Variants in SEMA3E observed in about 807,000 individuals in gnomAD.
SEMA3E encodes semaphorin-3E.
Under a neutral mutation model 93.6 loss-of-function variants are expected in SEMA3E, and 49 were observed. The observed-to-expected ratio is 0.52, with a 90% confidence interval of 0.42 to 0.66. SEMA3E has a LOEUF of 0.66. SEMA3E is among the 30% of genes least tolerant of loss of function. SEMA3E has a pLI of 0.00. For synonymous variants in SEMA3E, 363 were observed against 330.7 expected (o/e 1.10, Z -1.06); for missense variants, 906 against 964.8 (o/e 0.94, Z 0.81).
chr7:83,444,859 T>C (rs944984437), intron 4 of SEMA3E, among the ~76,000 whole-genome samples: 3 of 151,936 alleles, frequency 2.0e-5, no homozygotes, highest in African/African-American at 7.3e-5. Flanking sequence ...TTAGTAGAGA[T>C]GGGATTTTGC....
intron 11 of SEMA3E, among the ~76,000 whole-genome samples, chr7:83,399,293 G>A (rs937593688): frequency 3.3e-5 from 5 of 152,126 alleles, no homozygotes; most frequent in Non-Finnish European, 7.4e-5. Context: ...AAGATCTCAA[G>A]TCCTCTTCTA....
intron 16 of SEMA3E, among the ~76,000 whole-genome samples, chr7:83,374,492 A>C (rs1794794179): frequency 6.6e-6 from 1 of 152,132 alleles, no homozygotes; most frequent in Non-Finnish European, 1.5e-5. Flanking sequence ...TGACTGTCAA[A>C]GATGTGATAG....
chr7:83,527,112 A>G (rs2115709786), intron 1 of SEMA3E, among the ~76,000 whole-genome samples: 1 of 152,254 alleles, frequency 6.6e-6, no homozygotes, highest in South Asian at 2.1e-4. Flanking sequence ...AGTGGTGGCA[A>G]AGAATGGAGC....
chr7:83,626,217 T>C (rs1326082877), intron 1 of SEMA3E, among the ~76,000 whole-genome samples: 1 of 152,212 alleles, frequency 6.6e-6, no homozygotes, highest in African/African-American at 2.4e-5. Flanking sequence ...GATGTTGGCC[T>C]CATAAAAAGA....
intron 4 of SEMA3E, among the ~76,000 whole-genome samples, chr7:83,449,749 A>G (rs754911215): frequency 5.2e-4 from 79 of 152,208 alleles, no homozygotes; most frequent in Non-Finnish European, 6.9e-4. Context: ...CCCCCTAATT[A>G]CATACATTAT....
intron 1 of SEMA3E, among the ~76,000 whole-genome samples, chr7:83,547,557 T>C (rs1584323578): frequency 6.6e-6 from 1 of 152,280 alleles, no homozygotes; most frequent in East Asian, 1.9e-4. Flanking sequence ...GGTAGTTTAG[T>C]TGAGCTGGTC....
chr7:83,606,622 G>T (rs1793125219), intron 1 of SEMA3E, among the ~76,000 whole-genome samples: 1 of 135,180 alleles, frequency 7.4e-6, no homozygotes, highest in African/African-American at 2.8e-5. Flanking sequence ...TGGGGTCGGG[G>T]GAGGGGGGAG....
Position 83,407,124 on chromosome 7 carries a change from A to C in SEMA3E, c.786T>G (p.Ile262Met). Residue 262 changes from isoleucine (I) to methionine (M), a missense_variant, in exon 7 of 17, where the codon ATT (isoleucine) becomes ATG (methionine). By Grantham distance (10) the Ile-to-Met change is conservative. Coordinates refer to ENST00000643230, the MANE Select transcript of SEMA3E (RefSeq NM_012431.3). Reference protein sequence around the residue: ...ALEAENNAHAIYTRVGRLCVN... With the variant: ...ALEAENNAHAMYTRVGRLCVN... ...CACAGAGTCGCCCGACCCTGGTGTA[A>C]ATTGCGTGAGCATTGTTTTCTGCCT... is the stretch of plus-strand genomic sequence containing the variant. The C allele has an allele frequency of 6.2e-7, 1 of 1,613,626 alleles. No individual in the cohort carries two copies. The highest frequency in any genetic ancestry group is 8.5e-7 in the Non-Finnish European group (1 of 1,179,774).
intron 1 of SEMA3E, among the ~76,000 whole-genome samples, chr7:83,611,349 T>A (rs1793256480): frequency 6.9e-6 from 1 of 144,638 alleles, no homozygotes; most frequent in Non-Finnish European, 1.5e-5. Context: ...TTATATATAA[T>A]ATATGTGTAA....
intron 1 of SEMA3E, among the ~76,000 whole-genome samples, chr7:83,532,921 T>C (rs994932720): frequency 6.6e-6 from 1 of 152,084 alleles, no homozygotes; most frequent in Non-Finnish European, 1.5e-5. Flanking sequence ...GGAACTCTCA[T>C]CACTAAAGAT....
intron 4 of SEMA3E, among the ~76,000 whole-genome samples, chr7:83,459,304 A>C (rs962916855): frequency 6.6e-6 from 1 of 152,166 alleles, no homozygotes; most frequent in African/African-American, 2.4e-5. Context: ...AAAACAAAAC[A>C]AAACCACAAA....
Position 83,466,503 on chromosome 7 carries a change from G to C in SEMA3E, c.435C>G (p.Ile145Met), listed in dbSNP as rs1789759524. 6.2e-7 allele frequency: 1 copy of C among 1,613,968 alleles called. No homozygotes were observed. The highest frequency in any genetic ancestry group is 8.5e-7 in the Non-Finnish European group (1 of 1,179,950). Residue 145 changes from isoleucine to methionine, a missense_variant, in exon 4 of 17, where the codon ATC (isoleucine) becomes ATG (methionine). Transcript: ENST00000643230. ...TGAFDPVCAFIRVGYHLEDPL... is the reference protein window; with the variant it reads ...TGAFDPVCAFMRVGYHLEDPL... ...TTACCTCCAAATGATATCCAACTCTGATGAAGGCACAAACTGGATCAAAAG... is the reference window on the plus strand; with the variant it reads ...TTACCTCCAAATGATATCCAACTCTCATGAAGGCACAAACTGGATCAAAAG...
intron 1 of SEMA3E, among the ~76,000 whole-genome samples, chr7:83,615,809 T>C (rs898859159): frequency 2.6e-5 from 4 of 152,010 alleles, no homozygotes; most frequent in African/African-American, 9.7e-5. Flanking sequence ...ACCTTAGATA[T>C]CCTGAAGAAA....
chr7:83,501,779 T>C (rs1197617570), intron 1 of SEMA3E, among the ~76,000 whole-genome samples: 1 of 152,226 alleles, frequency 6.6e-6, no homozygotes, highest in Admixed American at 6.5e-5. Context: ...AGCAAAAACT[T>C]TATTGATCTT....
At chr7:83,440,642 T>C (rs553083940) in intron 4 of SEMA3E, among the ~76,000 whole-genome samples, 11 of 152,180 alleles carry the variant, frequency 7.2e-5, no homozygotes, top group Admixed American at 4.6e-4. Context: ...ACAAAGCTTC[T>C]CATTCAAGAC....
At chr7:83,596,131 T>C (rs1359363201) in intron 1 of SEMA3E, among the ~76,000 whole-genome samples, 1 of 152,126 alleles carries the variant, frequency 6.6e-6, no homozygotes, top group Non-Finnish European at 1.5e-5. Flanking sequence ...CTCAGATATT[T>C]ATATTATTAT....
chr7:83,421,673 A>C (rs1310605850), intron 4 of SEMA3E, among the ~76,000 whole-genome samples: 2 of 142,378 alleles, frequency 1.4e-5, no homozygotes, highest in Non-Finnish European at 3.2e-5. Context: ...AGTTGAGGGC[A>C]CTTCTCTCAA....
intron 1 of SEMA3E, among the ~76,000 whole-genome samples, chr7:83,557,152 TATGTC>T (rs1476599539): frequency 1.3e-5 from 2 of 152,164 alleles, no homozygotes; most frequent in Non-Finnish European, 2.9e-5. Context: ...TCAAAAGTCT[TATGTC>T]AAAGTATTTT....
intron 1 of SEMA3E, among the ~76,000 whole-genome samples, chr7:83,548,933 G>C (rs946272988): frequency 6.6e-6 from 1 of 152,024 alleles, no homozygotes. Flanking sequence ...AGGATTTAGA[G>C]AACAAAATCC....
Sources: gnomAD v4.1 joint callset for allele counts (sites outside exome capture counted in the v4.1 genomes callset) on GRCh38, gnomAD v4.1.1 for gene constraint, MANE v1.5 for transcripts, NCBI Gene and HGNC (gene_info 2026-07-23, HGNC 2026-07-21) for gene names.